HS6ST3: variants seen among roughly 807,000 people sequenced by gnomAD.
HS6ST3 encodes the protein heparan-sulfate 6-O-sulfotransferase 3.
Under a neutral mutation model 36.7 loss-of-function variants are expected in HS6ST3, and 12 were observed. The observed-to-expected ratio is 0.33, with a 90% CI of 0.21 to 0.53. The LOEUF (loss-of-function observed/expected upper bound fraction) is 0.53. Ranked by LOEUF, HS6ST3 falls within the 20% of genes least tolerant of loss-of-function variation. HS6ST3 has a pLI of 0.95. For synonymous variants in HS6ST3, 240 were observed against 257.5 expected, an observed-to-expected ratio of 0.93 and a Z score of 0.65; for missense variants, 584 against 640.9, an observed-to-expected ratio of 0.91 and a Z score of 0.96.
rs956872301 is a variant in HS6ST3, at chr13:96,778,505, A to G, written c.708-53985A>G. Among the ~76,000 whole-genome samples, 97 of 152,262 alleles carry G rather than the reference A, an allele frequency of 6.4e-4. 2 individuals carry two copies. The highest frequency in any genetic ancestry group is 2.2e-3 in the African/African-American group (92 of 41,562). On this transcript the variant is annotated intron_variant, in intron 1 of 1. Coordinates refer to ENST00000376705, the MANE Select transcript of HS6ST3 (RefSeq NM_153456.4). Reference sequence around the variant, plus strand: ...AAAAAACAACCCCATCAAAAAGTGGATGAAGGATATGAATAGACACTTCTC... The same window carrying G: ...AAAAAACAACCCCATCAAAAAGTGGGTGAAGGATATGAATAGACACTTCTC...
chr13:96,743,101 A>C (rs1051234892), intron 1 of HS6ST3, among the ~76,000 whole-genome samples: 3 of 152,108 alleles, frequency 2.0e-5, no homozygotes, highest in African/African-American at 7.2e-5. Flanking sequence ...ACAGTAAGGA[A>C]TATGAGCTCT....
At chr13:96,543,021 A>C in intron 1 of HS6ST3, among the ~76,000 whole-genome samples, 1 of 152,324 alleles carries the variant, frequency 6.6e-6, no homozygotes. Flanking sequence ...TCTTTCAGAA[A>C]CCAACGAGAG....
At chr13:96,652,317 A>G (rs2056610245) in intron 1 of HS6ST3, among the ~76,000 whole-genome samples, 1 of 151,938 alleles carries the variant, frequency 6.6e-6, no homozygotes, top group Non-Finnish European at 1.5e-5. Flanking sequence ...ACATATATGT[A>G]TTTGCTATGC....
intron 1 of HS6ST3, among the ~76,000 whole-genome samples, chr13:96,783,994 G>T (rs562348301): frequency 1.3e-5 from 2 of 152,034 alleles, no homozygotes; most frequent in African/African-American, 4.8e-5. Flanking sequence ...AGGTCCTGGA[G>T]GCCTCTCTTG....
intron 1 of HS6ST3, among the ~76,000 whole-genome samples, chr13:96,752,886 A>G (rs2138493670): frequency 6.6e-6 from 1 of 152,288 alleles, no homozygotes; most frequent in South Asian, 2.1e-4. Context: ...TTTCCCCTAT[A>G]TTTTTAAAAG....
At chr13:96,564,256 C>T (rs530310681) in intron 1 of HS6ST3, among the ~76,000 whole-genome samples, 2 of 152,256 alleles carry the variant, frequency 1.3e-5, no homozygotes, top group Non-Finnish European at 2.9e-5. Context: ...AAAACTCAGA[C>T]GGCATGCAGT....
chr13:96,538,305 A>C (rs2056163920), intron 1 of HS6ST3, among the ~76,000 whole-genome samples: 1 of 152,282 alleles, frequency 6.6e-6, no homozygotes, highest in Non-Finnish European at 1.5e-5. Flanking sequence ...AAATGATGAT[A>C]GTCAATACCT....
intron 1 of HS6ST3, among the ~76,000 whole-genome samples, chr13:96,309,330 TAATC>T (rs759953814): frequency 2.6e-5 from 4 of 152,156 alleles, no homozygotes; most frequent in Non-Finnish European, 5.9e-5. Flanking sequence ...TGAATGGTGA[TAATC>T]AACATCAATG....
chr13:96,686,272 T>C (rs898456663), intron 1 of HS6ST3, among the ~76,000 whole-genome samples: 2 of 152,022 alleles, frequency 1.3e-5, no homozygotes, highest in Non-Finnish European at 2.9e-5. Context: ...AGTGAAAAGA[T>C]ATTTTTATTG....
chr13:96,184,318 A>G (rs952829105), intron 1 of HS6ST3, among the ~76,000 whole-genome samples: 4 of 151,276 alleles, frequency 2.6e-5, no homozygotes, highest in Non-Finnish European at 5.9e-5. Context: ...TTCTTTTGTC[A>G]TGCTATCTGT....
At chr13:96,668,858 G>A (rs893652432) in intron 1 of HS6ST3, among the ~76,000 whole-genome samples, 12 of 150,682 alleles carry the variant, frequency 8.0e-5, no homozygotes, top group Non-Finnish European at 1.8e-4. Flanking sequence ...TTGAGGATAA[G>A]AATTCTTGCT....
At chr13:96,152,423 C>G (rs982428921) in intron 1 of HS6ST3, among the ~76,000 whole-genome samples, 6 of 148,800 alleles carry the variant, frequency 4.0e-5, no homozygotes, top group African/African-American at 1.5e-4. Context: ...CTGCAAGCTC[C>G]GCCTCCCGGG....
At chr13:96,654,612 C>G (rs943058846) in intron 1 of HS6ST3, among the ~76,000 whole-genome samples, 11 of 152,090 alleles carry the variant, frequency 7.2e-5, no homozygotes, top group African/African-American at 2.4e-4. Flanking sequence ...GTTACTGCAG[C>G]CTTGTAGTAC....
chr13:96,832,410 G>A, intron 1 of HS6ST3, 80 bp from the exon 2 acceptor site: 1 of 1,047,694 alleles, frequency 9.5e-7, no homozygotes, highest in Non-Finnish European at 1.4e-6. Flanking sequence ...TTGACTCAAT[G>A]CCGATGTAAA....
At chr13:96,425,966 T>A (rs910556638) in intron 1 of HS6ST3, among the ~76,000 whole-genome samples, 2 of 151,798 alleles carry the variant, frequency 1.3e-5, no homozygotes, top group African/African-American at 4.8e-5. Context: ...GTGCTGTGGA[T>A]GTTTCAAAGG....
intron 1 of HS6ST3, among the ~76,000 whole-genome samples, chr13:96,654,722 T>C (rs1331548754): frequency 3.3e-5 from 5 of 152,098 alleles, no homozygotes; most frequent in Admixed American, 2.6e-4. Flanking sequence ...TATGATGCGA[T>C]GTATGAAATA....
chr13:96,426,953 A>C (rs1594777728), intron 1 of HS6ST3, among the ~76,000 whole-genome samples: 2 of 152,224 alleles, frequency 1.3e-5, no homozygotes, highest in African/African-American at 4.8e-5. Flanking sequence ...TTCTCTACAC[A>C]TATGAAATAT....
intron 1 of HS6ST3, among the ~76,000 whole-genome samples, chr13:96,488,998 C>T (rs2055931101): frequency 6.6e-6 from 1 of 151,884 alleles, no homozygotes; most frequent in Non-Finnish European, 1.5e-5. Context: ...GGGATGTGTA[C>T]TTTGTTTACT....
chr13:96,718,830 C>A (rs1875770985), intron 1 of HS6ST3, among the ~76,000 whole-genome samples: 1 of 152,184 alleles, frequency 6.6e-6, no homozygotes, highest in Admixed American at 6.5e-5. Flanking sequence ...CTATTTTCCA[C>A]TTTATTCATC....
Sources: gnomAD v4.1 joint callset for allele counts (sites outside exome capture counted in the v4.1 genomes callset) on GRCh38, gnomAD v4.1.1 for gene constraint, MANE v1.5 for transcripts, NCBI Gene and HGNC (gene_info 2026-07-23, HGNC 2026-07-21) for gene names.